The following GIGYF2 variants were observed in gnomAD, a reference collection of about 807,000 sequenced individuals.
The protein encoded by GIGYF2 is GRB10 interacting GYF protein 2.
A neutral mutation model predicts 208.1 loss-of-function variants in GIGYF2; 25 were observed. That is an observed-to-expected ratio of 0.12 (90% CI 0.09 to 0.17). GIGYF2 has a LOEUF of 0.17. GIGYF2 is among the 10% of genes least tolerant of loss of function. GIGYF2 has a pLI of 1.00. For missense variants in GIGYF2, 1,302 were observed against 1,579.4 expected (o/e 0.82, Z 2.98); for synonymous variants, 534 against 543.8 (o/e 0.98, Z 0.25).
In GIGYF2 at chr2:232,847,421, A is replaced by G. The variant is rs761600192; in HGVS notation, c.3534A>G (p.Leu1178=). ...TCCATGATTATATCAGGGCCTATTT[A>G]GGAGATACTTCTGAGGCCAAGGAGT... The part of the protein sequence containing the change: ...YEVHDYIRAY[L]GDTSEAKEFA... Residue 1178 remains leucine (L), a synonymous_variant, in exon 27 of 29, where the codon TTA becomes TTG. Transcript: ENST00000373563. The G allele has an allele frequency of 1.2e-6, 2 of 1,613,794 alleles. No homozygotes were observed. The highest frequency in any genetic ancestry group is 1.7e-6 in the Non-Finnish European group (2 of 1,179,906).
intron 8 of GIGYF2, 41 bp downstream of exon 8, chr2:232,761,477 A>C: frequency 8.0e-7 from 1 of 1,245,964 alleles, no homozygotes; most frequent in Non-Finnish European, 1.2e-6. Context: ...AATTTATTAA[A>C]AATTGACTCA....
chr2:232,738,555 C>T (rs1489494346), intron 3 of GIGYF2, among the ~76,000 whole-genome samples: 7 of 152,130 alleles, frequency 4.6e-5, no homozygotes, highest in African/African-American at 9.7e-5. Flanking sequence ...TCTTTCAACC[C>T]CCACTAGACT....
chr2:232,821,513 A>G (rs994605590), intron 21 of GIGYF2, among the ~76,000 whole-genome samples: 1 of 151,982 alleles, frequency 6.6e-6, no homozygotes, highest in African/African-American at 2.4e-5. Flanking sequence ...TGTCCAATTT[A>G]TCTATTTTTT....
At chr2:232,813,848 A>G (rs908787574) in intron 18 of GIGYF2, among the ~76,000 whole-genome samples, 4 of 150,784 alleles carry the variant, frequency 2.7e-5, no homozygotes, top group African/African-American at 9.7e-5. Context: ...AAAATCTAAA[A>G]CTTTTTGAGC....
At chr2:232,803,616 T>G (rs1306316988) in intron 14 of GIGYF2, among the ~76,000 whole-genome samples, 1 of 152,096 alleles carries the variant, frequency 6.6e-6, no homozygotes, top group African/African-American at 2.4e-5. Flanking sequence ...TTGTCAAAAT[T>G]TAGTTAAGCA....
intron 3 of GIGYF2, among the ~76,000 whole-genome samples, chr2:232,738,839 G>C (rs187307768): frequency 5.8e-4 from 89 of 152,226 alleles, no homozygotes; most frequent in South Asian, 5.8e-3. Context: ...TAAGGCTTTG[G>C]ATGATATATG....
chr2:232,849,879 A>G (rs536638455), intron 27 of GIGYF2, among the ~76,000 whole-genome samples: 150 of 152,344 alleles, frequency 9.8e-4, no homozygotes, highest in African/African-American at 3.5e-3. Context: ...GGCCCAGGGA[A>G]CAAAGAGACT....
intron 21 of GIGYF2, among the ~76,000 whole-genome samples, chr2:232,831,601 A>G (rs1701426866): frequency 6.6e-6 from 1 of 152,196 alleles, no homozygotes; most frequent in Non-Finnish European, 1.5e-5. Flanking sequence ...TTAATAATAA[A>G]TGAAATTGTT....
intron 2 of GIGYF2, among the ~76,000 whole-genome samples, chr2:232,723,988 C>T (rs1027347940): frequency 1.3e-5 from 2 of 150,230 alleles, no homozygotes; most frequent in Non-Finnish European, 3.0e-5. Flanking sequence ...CCTGCCTCGG[C>T]CTCCGAAAGT....
intron 8 of GIGYF2, chr2:232,768,032 G>T: frequency 1.5e-6 from 1 of 680,492 alleles, no homozygotes; most frequent in Non-Finnish European, 2.5e-6. Flanking sequence ...TCCAGAATGT[G>T]TATTGTTAGC....
At chr2:232,786,486 C>T (rs540153842) in intron 8 of GIGYF2, among the ~76,000 whole-genome samples, 1 of 152,340 alleles carries the variant, frequency 6.6e-6, no homozygotes, top group South Asian at 2.1e-4. Context: ...ATCCACCTGT[C>T]TCGGCCTCCC....
At chr2:232,778,140 T>TG (rs1699589527) in intron 8 of GIGYF2, among the ~76,000 whole-genome samples, 1 of 152,018 alleles carries the variant, frequency 6.6e-6, no homozygotes, top group African/African-American at 2.4e-5. Flanking sequence ...CTTGCTGTGT[T>TG]GTCTAGGCTG....
intron 22 of GIGYF2, among the ~76,000 whole-genome samples, chr2:232,839,230 C>A (rs1480694634): frequency 1.3e-5 from 2 of 151,976 alleles, no homozygotes; most frequent in Non-Finnish European, 1.5e-5. Context: ...ATATTCAGGA[C>A]CTAGATATTT....
intron 18 of GIGYF2, among the ~76,000 whole-genome samples, chr2:232,814,507 G>A (rs1462563668): frequency 6.8e-6 from 1 of 146,036 alleles, no homozygotes; most frequent in Non-Finnish European, 1.5e-5. Flanking sequence ...AGGTTGCAGT[G>A]AGCCGAGATC....
chr2:232,730,342 C>T lies in GIGYF2; in HGVS notation c.-43-4813C>T, dbSNP rs979415876. On this transcript the variant is annotated intron_variant, in intron 2 of 28. Transcript: ENST00000373563. ...TTTAGGGGCCGGGTGCAGTGGCTCACGCCTGTAGTCCCAGCACTTTGGGAG... is the reference window on the plus strand; with the variant it reads ...TTTAGGGGCCGGGTGCAGTGGCTCATGCCTGTAGTCCCAGCACTTTGGGAG... 2.4e-4 allele frequency: 123 copies of T among 502,340 alleles called. 1 individual carries two copies. Among genetic ancestry groups the T allele is most frequent in the Non-Finnish European group, 4.0e-4 (111 of 275,442 alleles). The allele number at this position is 502,340 out of a possible 1,614,324, so 31.1% of individuals were successfully genotyped here. A position where few individuals can be genotyped will look rare whatever the true frequency, so the allele number is the denominator to read the frequency against.
At position 232,812,250 on chromosome 2, in the gene GIGYF2, T is replaced by C. The variant is rs1187047013; in HGVS notation, c.2007-141T>C. On this transcript the variant is annotated intron_variant, in intron 17 of 28. Transcript: ENST00000373563. The stretch of plus-strand genomic sequence containing the variant: ...GTTCCACCCCAAACTGCTTTGGTAG[T>C]GTTAAGTTTTAGTAAAAGAGTGAAG... 3 of 612,186 alleles carry C rather than the reference T, an allele frequency of 4.9e-6. No homozygotes were observed. In the African/African-American group the frequency reaches 5.6e-5, roughly 11 times the overall value. 37.9% of individuals were successfully genotyped at this position (612,186 alleles called of 1,614,324 possible).
At chr2:232,726,449 G>A (rs1241688164) in intron 2 of GIGYF2, among the ~76,000 whole-genome samples, 1 of 151,202 alleles carries the variant, frequency 6.6e-6, no homozygotes, top group African/African-American at 2.4e-5. Flanking sequence ...ATTTTAAAAA[G>A]AGCAAAGTAA....
At chr2:232,844,748 AAC>A (rs1300296610) in intron 25 of GIGYF2, among the ~76,000 whole-genome samples, 174 bp downstream of exon 25, 2 of 152,178 alleles carry the variant, frequency 1.3e-5, no homozygotes, top group African/African-American at 4.8e-5. Context: ...TCCCCATAGA[AAC>A]ACATTCGTAT....
At chr2:232,799,859 A>G (rs1700340330) in intron 14 of GIGYF2, among the ~76,000 whole-genome samples, 2 of 151,740 alleles carry the variant, frequency 1.3e-5, no homozygotes, top group African/African-American at 2.4e-5. Context: ...TTTCATTTGC[A>G]TTTCCCTAAT....
Sources: gnomAD v4.1 joint callset for allele counts (sites outside exome capture counted in the v4.1 genomes callset) on GRCh38, gnomAD v4.1.1 for gene constraint, MANE v1.5 for transcripts, NCBI Gene and HGNC (gene_info 2026-07-23, HGNC 2026-07-21) for gene names.